The following RNF170 variants were observed in gnomAD, a reference collection of about 807,000 sequenced individuals.
RNF170 encodes the protein ring finger protein 170.
In RNF170, 12 loss-of-function variants were observed where a neutral mutation model predicts 32.7. That is an observed-to-expected ratio of 0.37 (90% CI 0.24 to 0.60). RNF170 has a LOEUF of 0.60. RNF170 is among the 20% of genes least tolerant of loss of function. The pLI is 0.72. For missense variants in RNF170, 212 were observed against 311.2 expected (o/e 0.68, Z 2.40); for synonymous variants, 91 against 103.6 (o/e 0.88, Z 0.74).
chr8:42,883,878 C>G (rs1002615783), intron 2 of RNF170, among the ~76,000 whole-genome samples: 1 of 151,888 alleles, frequency 6.6e-6, no homozygotes, highest in African/African-American at 2.4e-5. Flanking sequence ...AAATGCCACC[C>G]CTTCCCCAAT....
At chr8:42,887,616 C>T in intron 2 of RNF170, 112 bp downstream of exon 2, 1 of 991,784 alleles carries the variant, frequency 1.0e-6, no homozygotes, top group South Asian at 1.3e-5. Context: ...TAAACATCTA[C>T]AATCACTGAG....
chr8:42,861,634 T>A, intron 6 of RNF170, 111 bp downstream of exon 6: 2 of 885,692 alleles, frequency 2.3e-6, no homozygotes, highest in Non-Finnish European at 3.6e-6. Context: ...TTAGCTACTG[T>A]GCCTGGCCAA....
chr8:42,881,494 C>T (rs1219656076), intron 2 of RNF170: 1 of 152,196 alleles, frequency 6.6e-6, no homozygotes, highest in Non-Finnish European at 1.5e-5. Context: ...TGGAATCAAC[C>T]TACATGACCA....
intron 4 of RNF170, among the ~76,000 whole-genome samples, chr8:42,865,910 G>A (rs1477872499): frequency 5.3e-5 from 8 of 151,926 alleles, no homozygotes; most frequent in East Asian, 1.9e-4. Flanking sequence ...ACTTGAACCC[G>A]GGAGGTGGAG....
rs1803142024 is a variant in RNF170, at chr8:42,855,046, G to A, written c.*1113C>T. 1 of 1,287,172 alleles carries A rather than the reference G, an allele frequency of 7.8e-7. No homozygotes were observed. The highest frequency in any genetic ancestry group is 1.0e-6 in the Non-Finnish European group (1 of 988,690). 79.7% of individuals were successfully genotyped at this position (1,287,172 alleles called of 1,614,324 possible). A position where few individuals can be genotyped will look rare whatever the true frequency, so the allele number is the denominator to read the frequency against. ...CCTTCCTATTGGCTTGATGCTCAAAGACACGAAGATTCACCTTCCTCAGAA... is the reference window on the plus strand; with the variant it reads ...CCTTCCTATTGGCTTGATGCTCAAAAACACGAAGATTCACCTTCCTCAGAA... On this transcript the variant is annotated 3_prime_UTR_variant, in exon 7 of 7. Coordinates refer to ENST00000527424, the MANE Select transcript of RNF170 (RefSeq NM_030954.4).
At chr8:42,869,215 G>C (rs576926706) in intron 4 of RNF170, among the ~76,000 whole-genome samples, 7 of 152,252 alleles carry the variant, frequency 4.6e-5, no homozygotes, top group African/African-American at 1.7e-4. Context: ...TGGCCTCTTT[G>C]TAAAATTTCT....
intron 6 of RNF170, among the ~76,000 whole-genome samples, chr8:42,860,377 G>A (rs2128925425): frequency 6.6e-6 from 1 of 152,318 alleles, no homozygotes; most frequent in Admixed American, 6.5e-5. Flanking sequence ...TATCTGTACA[G>A]TGTTCTGCTT....
chr8:42,886,287 T>C (rs1805821200), intron 2 of RNF170, among the ~76,000 whole-genome samples: 2 of 151,924 alleles, frequency 1.3e-5, no homozygotes, highest in Admixed American at 6.6e-5. Context: ...CAATATACAA[T>C]GTCCTTCTAT....
intron 1 of RNF170, among the ~76,000 whole-genome samples, 160 bp from the exon 2 acceptor site, chr8:42,888,031 T>G (rs1468755001): frequency 6.6e-6 from 1 of 152,196 alleles, no homozygotes; most frequent in African/African-American, 2.4e-5. Context: ...TTCTTTAAAA[T>G]TTGCCAGACA....
chr8:42,893,545 C>A (rs1363153803), intron 1 of RNF170, among the ~76,000 whole-genome samples: 1 of 152,176 alleles, frequency 6.6e-6, no homozygotes, highest in East Asian at 1.9e-4. Flanking sequence ...CAAACTGCCA[C>A]TCTTTTTTGG....
chr8:42,860,063 T>C (rs1803543131), intron 6 of RNF170, among the ~76,000 whole-genome samples: 1 of 152,048 alleles, frequency 6.6e-6, no homozygotes, highest in Non-Finnish European at 1.5e-5. Flanking sequence ...AAATCAAAAC[T>C]GAGAAAAGAA....
downstream of RNF170, among the ~76,000 whole-genome samples, chr8:42,853,025 C>T (rs1302609989): frequency 6.6e-6 from 1 of 150,658 alleles, no homozygotes; most frequent in East Asian, 1.9e-4. Flanking sequence ...ACTTGGGAGG[C>T]TGAGACAGGA....
intron 5 of RNF170, among the ~76,000 whole-genome samples, chr8:42,863,819 A>C (rs1235437511): frequency 6.6e-6 from 1 of 152,202 alleles, no homozygotes; most frequent in Non-Finnish European, 1.5e-5. Flanking sequence ...TTTCCTCCTG[A>C]CCATGTGGCC....
At chr8:42,862,903 G>A (rs184777676) in intron 5 of RNF170, among the ~76,000 whole-genome samples, 2 of 152,364 alleles carry the variant, frequency 1.3e-5, no homozygotes, top group East Asian at 1.9e-4. Context: ...GGAAGACCTG[G>A]CCGACAGCCT....
intron 1 of RNF170, among the ~76,000 whole-genome samples, chr8:42,895,370 G>T (rs1806703399): frequency 6.6e-6 from 1 of 152,248 alleles, no homozygotes; most frequent in African/African-American, 2.4e-5. Flanking sequence ...AGTGCTCAAT[G>T]AGAAAACCTA....
intron 1 of RNF170, among the ~76,000 whole-genome samples, chr8:42,893,629 A>G (rs1806499404): frequency 6.6e-6 from 1 of 152,228 alleles, no homozygotes; most frequent in African/African-American, 2.4e-5. Context: ...CATTTAGCAT[A>G]CTGCTTGGCA....
chr8:42,852,402 AATTT>A (rs1348915624), downstream of RNF170, among the ~76,000 whole-genome samples: 2 of 151,874 alleles, frequency 1.3e-5, no homozygotes, highest in Non-Finnish European at 2.9e-5. Flanking sequence ...AATTACATAT[AATTT>A]ATTTATTCAT....
chr8:42,859,266 A>G (rs1803480373), intron 6 of RNF170, among the ~76,000 whole-genome samples: 1 of 152,174 alleles, frequency 6.6e-6, no homozygotes, highest in African/African-American at 2.4e-5. Flanking sequence ...AAAAAAGTAG[A>G]AGTGAGGAGG....
intron 2 of RNF170, among the ~76,000 whole-genome samples, chr8:42,879,927 G>A (rs1445271755): frequency 1.1e-4 from 16 of 152,000 alleles, no homozygotes; most frequent in Non-Finnish European, 4.4e-5. Context: ...TGCCTGCCTC[G>A]CCCTCCCAAA....
Sources: gnomAD v4.1 joint callset for allele counts (sites outside exome capture counted in the v4.1 genomes callset) on GRCh38, gnomAD v4.1.1 for gene constraint, MANE v1.5 for transcripts, NCBI Gene and HGNC (gene_info 2026-07-23, HGNC 2026-07-21) for gene names.